The following NMBR variants were observed in gnomAD, a reference collection of about 807,000 sequenced individuals.
NMBR encodes neuromedin B receptor.
Under a neutral mutation model 20.5 loss-of-function variants are expected in NMBR, and 16 were observed. That is an observed-to-expected ratio of 0.78 (90% confidence interval 0.53 to 1.19). The LOEUF (loss-of-function observed/expected upper bound fraction) is 1.19, where lower values mean the gene tolerates loss of function less well. NMBR is among the 50% of genes most tolerant of loss of function. The pLI is 0.00. For synonymous variants in NMBR, 212 were observed against 196.6 expected, an observed-to-expected ratio of 1.08 and a Z score of -0.65; for missense variants, 582 against 499.1, an observed-to-expected ratio of 1.17 and a Z score of -1.58.
chr6:142,075,687 T>G lies in NMBR; in HGVS notation c.1134A>C (p.Leu378Phe), dbSNP rs561318773. Reference sequence around the variant, plus strand: ...CCTGCTTCATGCTGTGCCCATTTAGTAAAACAGAATTGGTCACCATGTTCT... The same window carrying G: ...CCTGCTTCATGCTGTGCCCATTTAGGAAAACAGAATTGGTCACCATGTTCT... ...NAKNMVTNSVLLNGHSMKQEM... is the reference protein window; with the variant it reads ...NAKNMVTNSVFLNGHSMKQEM... Residue 378 changes from leucine (L) to phenylalanine (F), a missense_variant, in exon 4 of 4, where the codon TTA becomes TTC. By Grantham distance (22) the Leu-to-Phe change is conservative. Coordinates refer to ENST00000258042, the MANE Select transcript of NMBR (RefSeq NM_002511.4). The G allele has an allele frequency of 1.9e-6, 3 of 1,613,358 alleles. No individual in the cohort carries two copies. The highest frequency in any genetic ancestry group is 1.7e-6 in the Non-Finnish European group (2 of 1,179,620).
intron 2 of NMBR, among the ~76,000 whole-genome samples, chr6:142,083,781 C>G (rs2114561125): frequency 6.6e-6 from 1 of 152,284 alleles, no homozygotes; most frequent in East Asian, 1.9e-4. Flanking sequence ...AGCCATGCCT[C>G]CTGTACAGCC....
At chr6:142,107,868 C>A (rs895520093) in intron 1 of NMBR, among the ~76,000 whole-genome samples, 1 of 151,088 alleles carries the variant, frequency 6.6e-6, no homozygotes, top group Non-Finnish European at 1.5e-5. Flanking sequence ...TAGAGACTAT[C>A]AAAAAAAAAG....
chr6:142,132,036 T>C (rs1778152128), intron 1 of NMBR, among the ~76,000 whole-genome samples: 1 of 152,188 alleles, frequency 6.6e-6, no homozygotes, highest in Non-Finnish European at 1.5e-5. Context: ...TATCTAACCA[T>C]TCTGAGGGAT....
intron 1 of NMBR, chr6:142,133,318 C>A: frequency 2.4e-6 from 1 of 421,382 alleles, no homozygotes; most frequent in South Asian, 8.2e-5. Context: ...TAAGTGTCAA[C>A]CATATACTTC....
intron 1 of NMBR, among the ~76,000 whole-genome samples, chr6:142,114,890 G>T (rs1361104382): frequency 6.6e-6 from 1 of 151,998 alleles, no homozygotes; most frequent in Non-Finnish European, 1.5e-5. Flanking sequence ...CCATTTTACA[G>T]ATGACAAAAC....
chr6:142,107,243 C>A (rs1777679141), intron 1 of NMBR, among the ~76,000 whole-genome samples: 1 of 151,936 alleles, frequency 6.6e-6, no homozygotes. Flanking sequence ...CTTTATTCCA[C>A]AATAAAAAAA....
intron 1 of NMBR, among the ~76,000 whole-genome samples, chr6:142,131,229 G>T (rs769306548): frequency 6.6e-6 from 1 of 152,164 alleles, no homozygotes; most frequent in Non-Finnish European, 1.5e-5. Flanking sequence ...TGTAATGAAA[G>T]TGAAGACATG....
intron 1 of NMBR, among the ~76,000 whole-genome samples, chr6:142,115,425 G>A (rs899413716): frequency 5.3e-5 from 8 of 151,996 alleles, no homozygotes; most frequent in Admixed American, 2.0e-4. Flanking sequence ...ATGGGAGATC[G>A]GACTAGAAAG....
intron 1 of NMBR, among the ~76,000 whole-genome samples, chr6:142,091,182 T>G (rs958044271): frequency 6.6e-6 from 1 of 152,206 alleles, no homozygotes; most frequent in Non-Finnish European, 1.5e-5. Flanking sequence ...ATTAATAGAA[T>G]GCACACACAT....
At chr6:142,115,426 G>A (rs533340632) in intron 1 of NMBR, among the ~76,000 whole-genome samples, 4 of 152,124 alleles carry the variant, frequency 2.6e-5, no homozygotes, top group African/African-American at 7.2e-5. Context: ...TGGGAGATCG[G>A]ACTAGAAAGG....
rs771956710 is a variant in NMBR, at chr6:142,075,955, C to A, written c.866G>T (p.Arg289Leu). Residue 289 changes from arginine to leucine, a missense_variant, in exon 4 of 4, where the codon CGG becomes CTG. Arg to Leu is a moderately radical substitution (Grantham distance 102). Coordinates refer to ENST00000258042, the MANE Select transcript of NMBR (RefSeq NM_002511.4). ...WFPNHILYMYRSFNYNEIDPS... is the reference protein window; with the variant it reads ...WFPNHILYMYLSFNYNEIDPS... ...ATCAATCTCATTATAGTTGAAAGAC[C>A]GATACATGTAAAGGATGTGGTTTGG... 2 of 1,613,448 alleles carry A rather than the reference C, an allele frequency of 1.2e-6. No individual in the cohort carries two copies. The highest frequency in any genetic ancestry group is 2.2e-5 in the East Asian group (1 of 44,862).
intron 2 of NMBR, among the ~76,000 whole-genome samples, chr6:142,079,605 A>G (rs1777052035): frequency 6.6e-6 from 1 of 152,022 alleles, no homozygotes; most frequent in Admixed American, 6.6e-5. Context: ...GAGCCCCTTC[A>G]CTCTTTTTCT....
At chr6:142,136,595 C>A (rs1464534200) in intron 1 of NMBR, among the ~76,000 whole-genome samples, 1 of 152,086 alleles carries the variant, frequency 6.6e-6, no homozygotes, top group African/African-American at 2.4e-5. Flanking sequence ...AATGGTAATG[C>A]CTAGGTTTTC....
In NMBR at chr6:142,078,351, A is replaced by G. The variant is rs553068601; in HGVS notation, c.771+204T>C. ...CAGGCCTTATCACAGATCCAGATAAATGATAAACTGAACCTAAGCAGGCCT... is the reference window on the plus strand; with the variant it reads ...CAGGCCTTATCACAGATCCAGATAAGTGATAAACTGAACCTAAGCAGGCCT... On this transcript the variant is annotated intron_variant, in intron 3 of 3. Coordinates refer to ENST00000258042, the MANE Select transcript of NMBR (RefSeq NM_002511.4). 2.0e-5 allele frequency among the ~76,000 whole-genome samples: 3 copies of G among 152,346 alleles called. No individual in the cohort carries two copies. In the East Asian group the frequency reaches 5.8e-4, roughly 29 times the overall value.
intron 2 of NMBR, among the ~76,000 whole-genome samples, chr6:142,083,774 C>A (rs1777150046): frequency 1.3e-5 from 2 of 152,190 alleles, no homozygotes; most frequent in Non-Finnish European, 2.9e-5. Context: ...CCTCCCCAGC[C>A]ATGCCTCCTG....
At chr6:142,098,081 G>T (rs1473040917) in intron 1 of NMBR, among the ~76,000 whole-genome samples, 1 of 151,886 alleles carries the variant, frequency 6.6e-6, no homozygotes, top group East Asian at 1.9e-4. Context: ...ACTACAGTTG[G>T]ATCTCCAAAG....
At chr6:142,080,035 A>G (rs1308330348) in intron 2 of NMBR, among the ~76,000 whole-genome samples, 1 of 152,214 alleles carries the variant, frequency 6.6e-6, no homozygotes, top group Admixed American at 6.5e-5. Flanking sequence ...CCTAGCAAAT[A>G]AGATGCAGTA....
At chr6:142,134,464 T>G (rs778965638) in intron 1 of NMBR, 14 of 458,846 alleles carry the variant, frequency 3.1e-5, no homozygotes, top group Admixed American at 1.5e-4. Context: ...TTAGTGGGGT[T>G]TTTTTAGTGT....
chr6:142,087,765 C>T (rs1007060374), intron 2 of NMBR, among the ~76,000 whole-genome samples: 2 of 152,082 alleles, frequency 1.3e-5, no homozygotes, highest in Admixed American at 6.5e-5. Flanking sequence ...TAAGTAAGTT[C>T]TCCTCTTACT....
Sources: gnomAD v4.1 joint callset for allele counts (sites outside exome capture counted in the v4.1 genomes callset) on GRCh38, gnomAD v4.1.1 for gene constraint, MANE v1.5 for transcripts, NCBI Gene and HGNC (gene_info 2026-07-23, HGNC 2026-07-21) for gene names.